The following KBTBD2 variants were observed in gnomAD, a reference collection of about 807,000 sequenced individuals.
The protein encoded by KBTBD2 is kelch repeat and BTB domain containing 2, also known as kelch repeat and BTB domain-containing protein 2.
Under a neutral mutation model 57.1 loss-of-function variants are expected in KBTBD2, and 17 were observed. The observed-to-expected ratio is 0.30, with a 90% CI of 0.20 to 0.45. The LOEUF is 0.45. Among genes scored for constraint, KBTBD2 ranks in the 20% least tolerant of loss-of-function variants. The probability of loss-of-function intolerance (pLI) is 1.00; values close to 1 mark genes in which losing one functional copy is unlikely to be tolerated. For synonymous variants in KBTBD2, 267 were observed against 262.7 expected (o/e 1.02, Z -0.16); for missense variants, 515 against 750.6 (o/e 0.69, Z 3.67).
At position 32,879,692 on chromosome 7, in the gene KBTBD2, A is replaced by C. The variant is rs546392682; in HGVS notation, c.-88T>G. ...CAAGTGAATACTTCAGAAATAAAGG[A>C]GAACCTACTTGCTGTTATCTGCAGC... On this transcript the variant is annotated 5_prime_UTR_variant, in exon 2 of 4. Transcript: ENST00000304056. 1.8e-4 allele frequency: 188 copies of C among 1,055,664 alleles called. No homozygotes were observed. The highest frequency in any genetic ancestry group is 5.7e-4 in the Admixed American group (26 of 45,704). The allele number at this position is 1,055,664 out of a possible 1,614,324, so 65.4% of individuals were successfully genotyped here.
rs1322067272 is a variant in KBTBD2 at position 32,879,592 on chromosome 7, C to T, written c.13G>A (p.Asp5Asn). 1 of 1,612,856 alleles carries T rather than the reference C, an allele frequency of 6.2e-7. No homozygotes were observed. The highest frequency in any genetic ancestry group is 8.5e-7 in the Non-Finnish European group (1 of 1,179,468). Residue 5 changes from aspartate (D) to asparagine (N), a missense_variant, in exon 2 of 4, where the codon GAC becomes AAC. Transcript: ENST00000304056. MSTQ[D>N]ERQINTEYAV... is the part of the protein sequence containing the mutation. The stretch of plus-strand genomic sequence containing the variant: ...TATTCAGTATTGATCTGCCTCTCGT[C>T]TTGAGTGGACATGACTGTATTCCAT...
chr7:32,888,950 A>G (rs1784655453), intron 1 of KBTBD2, among the ~76,000 whole-genome samples: 1 of 152,238 alleles, frequency 6.6e-6, no homozygotes, highest in Admixed American at 6.5e-5. Flanking sequence ...ATATGAGTAT[A>G]CTATGTCCTT....
chr7:32,886,337 T>C (rs79422089), intron 1 of KBTBD2, among the ~76,000 whole-genome samples: 1 of 152,216 alleles, frequency 6.6e-6, no homozygotes, highest in East Asian at 1.9e-4. Context: ...ACATTTTCTC[T>C]AGGATGCCCA....
Position 32,878,790 on chromosome 7 carries a change from T to C in KBTBD2, c.170+645A>G, listed in dbSNP as rs572830122. Reference sequence around the variant, plus strand: ...ATCTATGCCTTGGCTTCTATTCTGCTCAGGAAACGTACAACAAAGACGCAA... The same window carrying C: ...ATCTATGCCTTGGCTTCTATTCTGCCCAGGAAACGTACAACAAAGACGCAA... On this transcript the variant is annotated intron_variant, in intron 2 of 3. Coordinates refer to ENST00000304056, the MANE Select transcript of KBTBD2 (RefSeq NM_015483.3). Among the ~76,000 whole-genome samples, 66 of 152,264 alleles carry C rather than the reference T, an allele frequency of 4.3e-4. 1 individual carries two copies. The highest frequency in any genetic ancestry group is 1.4e-3 in the African/African-American group (60 of 41,558).
Position 32,870,340 on chromosome 7 carries a change from C to A in KBTBD2, c.877G>T (p.Glu293Ter). The change falls in exon 4 of 4, where the codon GAA (glutamate) becomes TAA (stop). Residue 293 changes from glutamate to a stop codon, truncating the protein, a stop_gained. Coordinates refer to ENST00000304056, the MANE Select transcript of KBTBD2 (RefSeq NM_015483.3). LOFTEE classifies it high-confidence loss of function. ...YSSVCYSPQA[E>*]KVYKLCSPPA... is the part of the protein sequence containing the mutation. Reference sequence around the variant, plus strand: ...GGGCTACATAACTTGTAAACTTTTTCTGCTTGGGGGCTGTAACAGACAGAA... The same window carrying A: ...GGGCTACATAACTTGTAAACTTTTTATGCTTGGGGGCTGTAACAGACAGAA... 6.2e-7 allele frequency: 1 copy of A among 1,613,604 alleles called. No homozygotes were observed. Among genetic ancestry groups the A allele is most frequent in the Non-Finnish European group, 8.5e-7 (1 of 1,179,800 alleles).
At chr7:32,891,468 TCCTCCCCGGCC>T (rs1417317182) in intron 1 of KBTBD2, 57 bp downstream of exon 1, 3 of 141,354 alleles carry the variant, frequency 2.1e-5, no homozygotes, top group Non-Finnish European at 3.1e-5. Context: ...GCCACAGCCC[TCCTCCCCGGCC>T]CCTCCACAGG....
In KBTBD2 at chr7:32,869,066, G is replaced by A; in HGVS notation, c.*279C>T. ...GAACTTTTTGAACTGTACATACACA[G>A]GGCTAACAATGTTAGATAATCCAGA... On this transcript the variant is annotated 3_prime_UTR_variant, in exon 4 of 4. Transcript: ENST00000304056. 3.2e-6 allele frequency: 1 copy of A among 312,296 alleles called. No individual in the cohort carries two copies. Among genetic ancestry groups the A allele is most frequent in the East Asian group, 6.5e-5 (1 of 15,448 alleles). 19.3% of individuals were successfully genotyped at this position (312,296 alleles called of 1,614,324 possible).
intron 1 of KBTBD2, among the ~76,000 whole-genome samples, chr7:32,884,598 G>A (rs950444997): frequency 2.0e-5 from 3 of 151,762 alleles, no homozygotes; most frequent in African/African-American, 4.8e-5. Flanking sequence ...GCTGAGGCAG[G>A]AGAATGGCTT....
rs192867412 is a variant in KBTBD2 at position 32,874,918 on chromosome 7, C to T, written c.336+74G>A. 300 of 1,288,798 alleles carry T rather than the reference C, an allele frequency of 2.3e-4. 1 individual carries two copies. The East Asian group carries it at 6.2e-3, about 27-fold the overall frequency. The allele number at this position is 1,288,798 out of a possible 1,614,324, so 79.8% of individuals were successfully genotyped here. On this transcript the variant is annotated intron_variant, in intron 3 of 3. Transcript: ENST00000304056. ...CCTGGGAGGCGGAGGTTGCAGTGAG[C>T]GGAGATCGTGCCACTGCACTCCAGC...
In KBTBD2 at chr7:32,870,530, T is replaced by C; in HGVS notation, c.687A>G (p.Thr229=). 6.2e-7 allele frequency: 1 copy of C among 1,614,142 alleles called. No individual in the cohort carries two copies. The change falls in exon 4 of 4, where the codon ACA becomes ACG. Residue 229 remains threonine (T), a synonymous_variant. Transcript: ENST00000304056. ...GCAGACCTTGAAACCAAGCTCTCTGTGTTACTTCTGAAAGTGCATCAATTC... is the reference window on the plus strand; with the variant it reads ...GCAGACCTTGAAACCAAGCTCTCTGCGTTACTTCTGAAAGTGCATCAATTC... ...QIRIDALSEV[T]QRAWFQGLPP...
At chr7:32,874,249 A>T (rs1303377038) in intron 3 of KBTBD2, among the ~76,000 whole-genome samples, 1 of 151,780 alleles carries the variant, frequency 6.6e-6, no homozygotes, top group Non-Finnish European at 1.5e-5. Context: ...AAATACAAAA[A>T]ATTAGCCGGG....
intron 1 of KBTBD2, among the ~76,000 whole-genome samples, chr7:32,885,013 TATATACACACAC>T (rs1008667163): frequency 2.1e-5 from 3 of 140,610 alleles, no homozygotes; most frequent in African/African-American, 7.7e-5. Flanking sequence ...TATATATATA[TATATACACACAC>T]ATACACACAC....
intron 2 of KBTBD2, among the ~76,000 whole-genome samples, chr7:32,876,450 C>G (rs574455440): frequency 6.6e-6 from 1 of 152,158 alleles, no homozygotes; most frequent in Non-Finnish European, 1.5e-5. Context: ...ACAAGAGAGT[C>G]TGAGCTTTTC....
At chr7:32,872,561 C>A (rs1186903836) in intron 3 of KBTBD2, among the ~76,000 whole-genome samples, 3 of 151,942 alleles carry the variant, frequency 2.0e-5, no homozygotes, top group Non-Finnish European at 4.4e-5. Flanking sequence ...GTCTACAGAC[C>A]CAGCTACTCA....
chr7:32,879,108 G>A lies in KBTBD2; in HGVS notation c.170+327C>T, dbSNP rs187228929. ...TGTCAGTTTAAAAACAGAGATCACT[G>A]TTTTCTAAAGGCAGCATTTTAAAAT... On this transcript the variant is annotated intron_variant, in intron 2 of 3. Coordinates refer to ENST00000304056, the MANE Select transcript of KBTBD2 (RefSeq NM_015483.3). Among the ~76,000 whole-genome samples the A allele has an allele frequency of 4.8e-4, 73 of 152,242 alleles. No homozygotes were observed. The East Asian group carries it at 0.013, about 28-fold the overall frequency.
At chr7:32,881,989 G>A (rs1286811349) in intron 1 of KBTBD2, among the ~76,000 whole-genome samples, 1 of 152,068 alleles carries the variant, frequency 6.6e-6, no homozygotes, top group East Asian at 1.9e-4. Context: ...TATTATCTTT[G>A]CTGAGGCAAC....
At chr7:32,890,926 G>A (rs973162746) in intron 1 of KBTBD2, 6 of 152,208 alleles carry the variant, frequency 3.9e-5, no homozygotes, top group African/African-American at 1.4e-4. Context: ...GTAGGGAGAA[G>A]GAGGTGGTCG....
At position 32,887,286 on chromosome 7, in the gene KBTBD2, T is replaced by C. The variant is rs756803068; in HGVS notation, c.-339+4250A>G. Among the ~76,000 whole-genome samples, 14 of 152,176 alleles carry C rather than the reference T, an allele frequency of 9.2e-5. 1 individual carries two copies. Among genetic ancestry groups the C allele is most frequent in the Non-Finnish European group, 1.9e-4 (13 of 68,022 alleles). ...CACAGTAGTAGGTACAAAGTTTCCA[T>C]TGGACAGGAGGAATAAGTGTTACTG... is the stretch of plus-strand genomic sequence containing the variant. On this transcript the variant is annotated intron_variant, in intron 1 of 3. Coordinates refer to ENST00000304056, the MANE Select transcript of KBTBD2 (RefSeq NM_015483.3).
At chr7:32,891,898 C>CG (rs1188049406), upstream of KBTBD2, 4 of 121,798 alleles carry the variant, frequency 3.3e-5, no homozygotes, top group South Asian at 2.4e-4. Context: ...CCGCCCCCGC[C>CG]CCCGCCCCCG....
Sources: allele counts gnomAD v4.1 joint callset (sites outside exome capture counted in the v4.1 genomes callset), GRCh38; gene constraint gnomAD v4.1.1; transcripts MANE v1.5; gene names NCBI Gene and HGNC (gene_info 2026-07-23, HGNC 2026-07-21).